HMCN1: variants seen among roughly 807,000 people sequenced by gnomAD.
The protein encoded by HMCN1 is hemicentin 1.
In HMCN1, 321 loss-of-function variants were observed where a neutral mutation model predicts 625.9. The ratio of observed to expected loss-of-function variants is 0.51; its 90% CI spans 0.47 to 0.56. The LOEUF (loss-of-function observed/expected upper bound fraction) is 0.56. HMCN1 is among the 20% of genes least tolerant of loss of function. The probability of loss-of-function intolerance (pLI) is 0.00; values close to 1 mark genes in which losing one functional copy is unlikely to be tolerated. For synonymous variants in HMCN1, 2,425 were observed against 2,417.6 expected (o/e 1.00, Z -0.09); for missense variants, 6,588 against 6,887.3 (o/e 0.96, Z 1.54).
chr1:186,004,664 G>A (rs547575015), intron 29 of HMCN1, among the ~76,000 whole-genome samples: 1 of 152,228 alleles, frequency 6.6e-6, no homozygotes, highest in South Asian at 2.1e-4. Flanking sequence ...GGGAAAGCAA[G>A]ATACAGTGCT....
intron 64 of HMCN1, 136 bp downstream of exon 64, chr1:186,091,053 A>C: frequency 3.9e-6 from 4 of 1,031,612 alleles, no homozygotes; most frequent in Non-Finnish European, 5.7e-6. Context: ...CAAAGAAACA[A>C]AAAACTTTTT....
intron 1 of HMCN1, among the ~76,000 whole-genome samples, chr1:185,836,234 G>A (rs577586059): frequency 6.6e-6 from 1 of 152,204 alleles, no homozygotes; most frequent in East Asian, 1.9e-4. Flanking sequence ...AAGCTTGTAT[G>A]TGATCAGGTG....
At chr1:185,907,708 G>A (rs1666174331) in intron 4 of HMCN1, among the ~76,000 whole-genome samples, 1 of 151,880 alleles carries the variant, frequency 6.6e-6, no homozygotes, top group Non-Finnish European at 1.5e-5. Context: ...TTCAGCAATG[G>A]CTGAAACAAC....
Position 186,023,141 on chromosome 1 carries a change from C to T in HMCN1, c.5737C>T (p.Leu1913=). 6.2e-7 allele frequency: 1 copy of T among 1,612,980 alleles called. No homozygotes were observed. Among genetic ancestry groups the T allele is most frequent in the South Asian group, 1.1e-5 (1 of 91,064 alleles). Residue 1913 remains leucine (L), a synonymous_variant, in exon 36 of 107, where the codon CTG becomes TTG. Transcript: ENST00000271588. ...AAGETQQHIQ[L]HVHEPPSLED... is the part of the protein sequence containing the mutation. ...TGGAGAAACACAACAGCACATTCAACTGCATGTTCATGGTAATGTAATTTC... is the reference window on the plus strand; with the variant it reads ...TGGAGAAACACAACAGCACATTCAATTGCATGTTCATGGTAATGTAATTTC...
rs973905223 is a variant in HMCN1, at chr1:186,087,751, A to G, written c.9363+106A>G. 4.7e-6 allele frequency: 6 copies of G among 1,281,656 alleles called. No homozygotes were observed. In the African/African-American group the frequency reaches 8.8e-5, roughly 19 times the overall value. The allele number at this position is 1,281,656 out of a possible 1,614,324, so 79.4% of individuals were successfully genotyped here. On this transcript the variant is annotated intron_variant, in intron 60 of 106. Coordinates refer to ENST00000271588, the MANE Select transcript of HMCN1 (RefSeq NM_031935.3). Reference sequence around the variant, plus strand: ...TTTACTACAGTGAAAAATGATTTTCATTAAAAAAATACATAGCCAATGCCA... The same window carrying G: ...TTTACTACAGTGAAAAATGATTTTCGTTAAAAAAATACATAGCCAATGCCA...
chr1:185,752,545 G>T (rs2102097863), intron 1 of HMCN1, among the ~76,000 whole-genome samples: 1 of 152,210 alleles, frequency 6.6e-6, no homozygotes, highest in South Asian at 2.1e-4. Context: ...ATTTTGCCCA[G>T]TGTTTCTGTT....
At chr1:186,172,963 G>A (rs1352642018) in intron 102 of HMCN1, among the ~76,000 whole-genome samples, 3 of 152,090 alleles carry the variant, frequency 2.0e-5, no homozygotes, top group Admixed American at 6.6e-5. Flanking sequence ...TTTAAATATA[G>A]GTTGGGATGT....
chr1:185,999,462 A>ATTTGTCTCACTGC (rs56873428), intron 25 of HMCN1, among the ~76,000 whole-genome samples: 9 of 151,992 alleles, frequency 5.9e-5, no homozygotes, highest in Admixed American at 1.3e-4. Flanking sequence ...CAGGAAAGCT[A>ATTTGTCTCACTGC]TTTCTCAACT....
chr1:185,835,004 C>T (rs1661083473), intron 1 of HMCN1, among the ~76,000 whole-genome samples: 1 of 152,126 alleles, frequency 6.6e-6, no homozygotes, highest in African/African-American at 2.4e-5. Context: ...TGACAGATAA[C>T]ATAACTTGAC....
chr1:185,818,075 TC>T (rs1476569020), intron 1 of HMCN1, among the ~76,000 whole-genome samples: 1 of 152,192 alleles, frequency 6.6e-6, no homozygotes, highest in Non-Finnish European at 1.5e-5. Flanking sequence ...CCAGAAGCCT[TC>T]CTTAGATTTC....
At chr1:186,131,463 T>A (rs980494053) in intron 85 of HMCN1, among the ~76,000 whole-genome samples, 1 of 152,150 alleles carries the variant, frequency 6.6e-6, no homozygotes, top group African/African-American at 2.4e-5. Context: ...CCAATGTTAA[T>A]ACTAATTTTT....
intron 100 of HMCN1, among the ~76,000 whole-genome samples, chr1:186,170,836 T>C (rs1161333861): frequency 6.6e-6 from 1 of 152,168 alleles, no homozygotes; most frequent in Non-Finnish European, 1.5e-5. Context: ...AGATGGTGTT[T>C]GGGAAGTACA....
At chr1:185,739,521 A>G (rs1480823834) in intron 1 of HMCN1, among the ~76,000 whole-genome samples, 4 of 152,266 alleles carry the variant, frequency 2.6e-5, no homozygotes, top group South Asian at 4.1e-4. Flanking sequence ...GGAGCAGGAC[A>G]GTGTGTTTTA....
At chr1:185,812,265 T>G (rs1201994355) in intron 1 of HMCN1, among the ~76,000 whole-genome samples, 1 of 152,162 alleles carries the variant, frequency 6.6e-6, no homozygotes, top group African/African-American at 2.4e-5. Flanking sequence ...AAACATTGAT[T>G]TTAGTGTTAT....
chr1:185,761,433 G>C (rs993107831), intron 1 of HMCN1, among the ~76,000 whole-genome samples: 2 of 152,066 alleles, frequency 1.3e-5, no homozygotes, highest in Admixed American at 6.6e-5. Flanking sequence ...TCTTTAGTTT[G>C]TATGTGTCTA....
intron 56 of HMCN1, among the ~76,000 whole-genome samples, chr1:186,081,648 G>A (rs1428619108): frequency 6.6e-6 from 1 of 151,952 alleles, no homozygotes; most frequent in East Asian, 1.9e-4. Flanking sequence ...ACTACAATAT[G>A]GCCTTTCTGA....
rs543881661 is a variant in HMCN1 at position 186,062,396 on chromosome 1, A to T, written c.7427-118A>T. ...TGACATTCTAGCAATCAAATAATGA[A>T]TGTGGATTGGGGGATTTGTTTTGAA... is the stretch of plus-strand genomic sequence containing the variant. On this transcript the variant is annotated intron_variant, in intron 47 of 106. Coordinates refer to ENST00000271588, the MANE Select transcript of HMCN1 (RefSeq NM_031935.3). The T allele has an allele frequency of 7.1e-6, 5 of 704,940 alleles. No homozygotes were observed. The East Asian group carries it at 1.3e-4, about 19-fold the overall frequency. 43.7% of individuals were successfully genotyped at this position (704,940 alleles called of 1,614,324 possible).
chr1:186,087,683 T>C (rs1455042449), intron 60 of HMCN1, 38 bp downstream of exon 60: 6 of 1,565,254 alleles, frequency 3.8e-6, no homozygotes, highest in African/African-American at 1.4e-5. Flanking sequence ...CATGACACCT[T>C]GGTGGGGTGG....
intron 1 of HMCN1, among the ~76,000 whole-genome samples, chr1:185,736,333 ATAT>A (rs145464599): frequency 0.03 from 4,628 of 152,186 alleles, 241 homozygotes; most frequent in African/African-American, 0.11. Context: ...TTAAACATGA[ATAT>A]TATTTATATT....
Sources: allele counts gnomAD v4.1 joint callset (sites outside exome capture counted in the v4.1 genomes callset), GRCh38; gene constraint gnomAD v4.1.1; transcripts MANE v1.5; gene names NCBI Gene and HGNC (gene_info 2026-07-23, HGNC 2026-07-21).